Variants in MRTFB observed in about 807,000 individuals in gnomAD.
MRTFB encodes the protein myocardin-related transcription factor B.
A neutral mutation model predicts 104.2 loss-of-function variants in MRTFB; 29 were observed. That is an observed-to-expected ratio of 0.28 (90% CI 0.21 to 0.38). MRTFB has a LOEUF of 0.38. Ranked by LOEUF, MRTFB falls within the 10% of genes least tolerant of loss-of-function variation. The pLI is 1.00. For synonymous variants in MRTFB, 535 were observed against 519.5 expected (o/e 1.03, Z -0.41); for missense variants, 1,270 against 1,341.6 (o/e 0.95, Z 0.83).
intron 1 of MRTFB, 150 bp downstream of exon 1, chr16:14,071,515 G>C (rs1596676359): frequency 6.6e-6 from 1 of 152,486 alleles, no homozygotes; most frequent in Non-Finnish European, 1.5e-5. Flanking sequence ...GCGCCGTTTG[G>C]TCCGCACCGT....
chr16:14,074,782 T>C (rs2033936450), intron 1 of MRTFB, among the ~76,000 whole-genome samples: 1 of 152,210 alleles, frequency 6.6e-6, no homozygotes. Context: ...TTCTGGACCC[T>C]TCCATTTAAA....
At chr16:14,213,117 A>G (rs191697187) in intron 5 of MRTFB, among the ~76,000 whole-genome samples, 1 of 152,340 alleles carries the variant, frequency 6.6e-6, no homozygotes, top group East Asian at 1.9e-4. Flanking sequence ...ATTTCTAATT[A>G]AGAAAATCTG....
At chr16:14,119,133 C>T (rs1181628228) in intron 2 of MRTFB, among the ~76,000 whole-genome samples, 2 of 152,096 alleles carry the variant, frequency 1.3e-5, no homozygotes, top group African/African-American at 4.8e-5. Flanking sequence ...GTTTGTGAAT[C>T]GGGCAGCCCC....
upstream of MRTFB, among the ~76,000 whole-genome samples, chr16:14,071,047 G>C (rs2033650429): frequency 6.6e-6 from 1 of 152,204 alleles, no homozygotes; most frequent in Non-Finnish European, 1.5e-5. Flanking sequence ...AGAGGCTCAG[G>C]GCCGAGCCCC....
intron 12 of MRTFB, chr16:14,247,750 T>G (rs1007899545): frequency 3.9e-6 from 2 of 519,096 alleles, no homozygotes; most frequent in Non-Finnish European, 6.8e-6. Context: ...GAACACAGTA[T>G]CATCCATGCA....
intron 3 of MRTFB, among the ~76,000 whole-genome samples, chr16:14,181,715 T>C (rs961148117): frequency 2.6e-5 from 4 of 152,234 alleles, no homozygotes; most frequent in African/African-American, 9.6e-5. Context: ...TAGTGAAGTA[T>C]AGTATCATCA....
intron 1 of MRTFB, among the ~76,000 whole-genome samples, chr16:14,073,378 C>T (rs1035753178): frequency 5.9e-5 from 9 of 152,180 alleles, no homozygotes; most frequent in African/African-American, 2.2e-4. Flanking sequence ...GCAGTTCCAG[C>T]TCCTTGGAGA....
chr16:14,228,627 G>A (rs1162212999), intron 8 of MRTFB, among the ~76,000 whole-genome samples: 1 of 151,886 alleles, frequency 6.6e-6, no homozygotes, highest in East Asian at 1.9e-4. Context: ...GTATATCCCT[G>A]TTCATAGCAG....
At chr16:14,120,956 T>A (rs1216126826) in intron 2 of MRTFB, among the ~76,000 whole-genome samples, 1 of 152,128 alleles carries the variant, frequency 6.6e-6, no homozygotes, top group Non-Finnish European at 1.5e-5. Context: ...TCAAAGAAGA[T>A]TAAGGGTCTC....
At chr16:14,186,773 G>A (rs1015394381) in intron 3 of MRTFB, 22 of 1,514,490 alleles carry the variant, frequency 1.5e-5, no homozygotes, top group African/African-American at 2.8e-5. Context: ...GCTGCTTAAA[G>A]ACATAATTGG....
At chr16:13,996,102 T>C in the MRTFB span, among the ~76,000 whole-genome samples, 1 of 152,014 alleles carries the variant, frequency 6.6e-6, no homozygotes, top group Non-Finnish European at 1.5e-5. Flanking sequence ...TGAAACCCCA[T>C]CTCTACTAAA....
chr16:14,022,799 A>C, the MRTFB span, among the ~76,000 whole-genome samples: 2 of 146,022 alleles, frequency 1.4e-5, no homozygotes, highest in Admixed American at 1.4e-4. Context: ...GCCCAGACTG[A>C]AGTGCAGTGG....
At chr16:14,080,639 C>T (rs1294276523) in intron 2 of MRTFB, among the ~76,000 whole-genome samples, 1 of 152,090 alleles carries the variant, frequency 6.6e-6, no homozygotes. Flanking sequence ...CTAACATTTC[C>T]ACACCACCAC....
At chr16:14,235,285 G>C (rs529026165) in intron 9 of MRTFB, among the ~76,000 whole-genome samples, 16 of 152,336 alleles carry the variant, frequency 1.1e-4, no homozygotes, top group African/African-American at 3.8e-4. Flanking sequence ...ACATACATCA[G>C]TGTGTTTCCC....
intron 2 of MRTFB, among the ~76,000 whole-genome samples, chr16:14,135,358 T>C (rs1243129758): frequency 6.6e-6 from 1 of 152,242 alleles, no homozygotes; most frequent in Non-Finnish European, 1.5e-5. Flanking sequence ...TGCTTTATTT[T>C]TCCTGTACCT....
intron 15 of MRTFB, 107 bp downstream of exon 15, chr16:14,252,609 T>C: frequency 7.7e-7 from 1 of 1,297,778 alleles, no homozygotes; most frequent in Non-Finnish European, 1.0e-6. Context: ...CTTGCCTCAA[T>C]AGAAATACAA....
chr16:14,052,828 T>G, the MRTFB span, among the ~76,000 whole-genome samples: 3 of 152,126 alleles, frequency 2.0e-5, no homozygotes, highest in Non-Finnish European at 2.9e-5. Flanking sequence ...CTTGAATTCA[T>G]TCTTTCTATC....
chr16:14,209,684 AGAGT>A (rs2041107149), intron 3 of MRTFB, among the ~76,000 whole-genome samples: 2 of 152,206 alleles, frequency 1.3e-5, no homozygotes, highest in Admixed American at 1.3e-4. Flanking sequence ...TAGAACTTAT[AGAGT>A]GAGATACATG....
the MRTFB span, among the ~76,000 whole-genome samples, chr16:14,065,283 G>A: frequency 6.6e-6 from 1 of 152,150 alleles, no homozygotes; most frequent in Non-Finnish European, 1.5e-5. Flanking sequence ...GTATGGAAAT[G>A]CTACTGATTT....
Sources: allele counts gnomAD v4.1 joint callset (sites outside exome capture counted in the v4.1 genomes callset), GRCh38; gene constraint gnomAD v4.1.1; transcripts MANE v1.5; gene names NCBI Gene and HGNC (gene_info 2026-07-23, HGNC 2026-07-21).